ATP13A4: variants seen among roughly 807,000 people sequenced by gnomAD.
ATP13A4 encodes the protein ATPase 13A4, also known as probable cation-transporting ATPase 13A4.
In ATP13A4, 114 loss-of-function variants were observed where a neutral mutation model predicts 142.5. That is an observed-to-expected ratio of 0.80 (90% CI 0.69 to 0.93). ATP13A4 has a LOEUF of 0.93. Among genes scored for constraint, ATP13A4 ranks in the 40% least tolerant of loss-of-function variants. The pLI is 0.00. For missense variants in ATP13A4, 1,392 were observed against 1,454.0 expected (o/e 0.96, Z 0.69); for synonymous variants, 488 against 514.8 (o/e 0.95, Z 0.70).
At chr3:193,550,520 G>T (rs1458126638) in intron 1 of ATP13A4, among the ~76,000 whole-genome samples, 2 of 152,184 alleles carry the variant, frequency 1.3e-5, no homozygotes, top group African/African-American at 4.8e-5. Context: ...TGCCCAGGCT[G>T]GTCTGGAACT....
intron 2 of ATP13A4, among the ~76,000 whole-genome samples, chr3:193,503,558 G>A (rs1220179862): frequency 2.6e-5 from 4 of 152,116 alleles, no homozygotes; most frequent in Non-Finnish European, 5.9e-5. Context: ...GGGAAATGTA[G>A]GTCAGAGCTG....
At chr3:193,536,961 T>G (rs188152660) in intron 1 of ATP13A4, among the ~76,000 whole-genome samples, 1 of 152,066 alleles carries the variant, frequency 6.6e-6, no homozygotes, top group African/African-American at 2.4e-5. Flanking sequence ...TGAAGGAAGA[T>G]CTAAGCAAAC....
At chr3:193,550,139 A>G (rs983669122) in intron 1 of ATP13A4, among the ~76,000 whole-genome samples, 7 of 152,158 alleles carry the variant, frequency 4.6e-5, no homozygotes, top group African/African-American at 1.4e-4. Flanking sequence ...CAAGCTACCA[A>G]TGTGATGTCA....
At chr3:193,441,968 T>A (rs994632360) in intron 19 of ATP13A4, among the ~76,000 whole-genome samples, 4 of 152,202 alleles carry the variant, frequency 2.6e-5, no homozygotes, top group African/African-American at 9.7e-5. Context: ...ACAACAGAGA[T>A]AGAATACTGA....
At chr3:193,515,909 G>A (rs540251696) in intron 1 of ATP13A4, among the ~76,000 whole-genome samples, 2 of 152,284 alleles carry the variant, frequency 1.3e-5, no homozygotes, top group South Asian at 2.1e-4. Context: ...GCCACTTACT[G>A]GGCGTGTGAT....
chr3:193,470,600 T>C (rs182115957), intron 9 of ATP13A4, among the ~76,000 whole-genome samples: 24 of 152,350 alleles, frequency 1.6e-4, no homozygotes, highest in Admixed American at 3.9e-4. Flanking sequence ...TAATAATCTT[T>C]TGTTCAAGAA....
intron 26 of ATP13A4, 59 bp downstream of exon 26, chr3:193,414,520 C>G: frequency 6.3e-7 from 1 of 1,594,212 alleles, no homozygotes; most frequent in African/African-American, 1.3e-5. Flanking sequence ...TCATATTGGC[C>G]AGAGGATGTT....
intron 18 of ATP13A4, among the ~76,000 whole-genome samples, chr3:193,445,988 A>G (rs923339236): frequency 6.6e-6 from 1 of 151,952 alleles, no homozygotes; most frequent in Non-Finnish European, 1.5e-5. Context: ...AAAAGTCTTA[A>G]AGCAAAATTA....
chr3:193,471,134 C>A, intron 8 of ATP13A4, 141 bp from the exon 9 acceptor site: 6 of 1,146,156 alleles, frequency 5.2e-6, no homozygotes, highest in South Asian at 1.4e-5. Context: ...AACATTGATT[C>A]AAAATTTGAA....
At chr3:193,430,801 T>C (rs1267006109) in intron 25 of ATP13A4, among the ~76,000 whole-genome samples, 3 of 151,906 alleles carry the variant, frequency 2.0e-5, no homozygotes, top group African/African-American at 4.8e-5. Flanking sequence ...AAGACTTGAA[T>C]TGAGTCAAAA....
At chr3:193,493,051 C>T (rs1720029947) in intron 4 of ATP13A4, 39 bp downstream of exon 4, 9 of 1,605,746 alleles carry the variant, frequency 5.6e-6, no homozygotes, top group Non-Finnish European at 6.8e-6. Flanking sequence ...TTTGAGATAA[C>T]ATTTTTCTTC....
At chr3:193,500,602 T>C (rs538937949) in intron 3 of ATP13A4, among the ~76,000 whole-genome samples, 58 of 152,294 alleles carry the variant, frequency 3.8e-4, no homozygotes, top group African/African-American at 1.3e-3. Context: ...TTCACTCCTA[T>C]GAGAATCTCA....
intron 1 of ATP13A4, among the ~76,000 whole-genome samples, chr3:193,546,245 C>T (rs1265359398): frequency 6.6e-6 from 1 of 152,124 alleles, no homozygotes; most frequent in Non-Finnish European, 1.5e-5. Flanking sequence ...GGAACTGAAA[C>T]TCACCAGATC....
At chr3:193,478,074 G>A (rs898973611) in intron 8 of ATP13A4, among the ~76,000 whole-genome samples, 3 of 151,954 alleles carry the variant, frequency 2.0e-5, no homozygotes, top group Non-Finnish European at 4.4e-5. Context: ...GAGAAAGATT[G>A]AAATATGTTA....
At chr3:193,463,003 TG>T (rs1461760341) in intron 12 of ATP13A4, among the ~76,000 whole-genome samples, 180 bp from the exon 13 acceptor site, 1 of 150,288 alleles carries the variant, frequency 6.7e-6, no homozygotes, top group Non-Finnish European at 1.5e-5. Flanking sequence ...AAAAATCCAG[TG>T]GCCCCATAGC....
intron 8 of ATP13A4, 53 bp from the exon 9 acceptor site, chr3:193,471,046 A>G: frequency 6.2e-7 from 1 of 1,609,128 alleles, no homozygotes; most frequent in Non-Finnish European, 8.5e-7. Flanking sequence ...ACAAAAATAC[A>G]ATCCAACATC....
At position 193,459,200 on chromosome 3, in the gene ATP13A4, G is replaced by T; in HGVS notation, c.1555C>A (p.Gln519Lys). 1 of 1,614,218 alleles carries T rather than the reference G, an allele frequency of 6.2e-7. No individual in the cohort carries two copies. The highest frequency in any genetic ancestry group is 1.1e-5 in the South Asian group (1 of 91,080). The change falls in exon 14 of 30, where the codon CAG becomes AAG. Residue 519 changes from glutamine (Q) to lysine (K), a missense_variant. Transcript: ENST00000342695. Reference protein sequence around the residue: ...FQEVHSFASGQALPWGPLCAA... With the variant: ...FQEVHSFASGKALPWGPLCAA... ...CACAGTGGGCCCCATGGCAAAGCCT[G>T]GCCTGAGGCAAAGCTGTGAACTTCC...
At chr3:193,553,552 A>T (rs377126691) in intron 1 of ATP13A4, 31 of 152,368 alleles carry the variant, frequency 2.0e-4, no homozygotes, top group African/African-American at 7.5e-4. Flanking sequence ...AGAAACAAAG[A>T]TGATATCCAA....
At chr3:193,419,301 C>T (rs1715285811) in intron 25 of ATP13A4, among the ~76,000 whole-genome samples, 1 of 150,182 alleles carries the variant, frequency 6.7e-6, no homozygotes, top group African/African-American at 2.5e-5. Flanking sequence ...CCTGCTGTGC[C>T]CTGCCCCTTG....
Sources: gnomAD v4.1 joint callset for allele counts (sites outside exome capture counted in the v4.1 genomes callset) on GRCh38, gnomAD v4.1.1 for gene constraint, MANE v1.5 for transcripts, NCBI Gene and HGNC (gene_info 2026-07-23, HGNC 2026-07-21) for gene names.